The following ECT2 variants were observed in gnomAD, a reference collection of about 807,000 sequenced individuals.
ECT2 encodes epithelial cell transforming 2, also known as protein ECT2.
Under a neutral mutation model 116.9 loss-of-function variants are expected in ECT2, and 61 were observed. The observed-to-expected ratio is 0.52, with a 90% CI of 0.42 to 0.65. The LOEUF (loss-of-function observed/expected upper bound fraction) is 0.65. ECT2 is among the 30% of genes least tolerant of loss of function. The pLI, the probability that ECT2 is intolerant of heterozygous loss-of-function variation, is 0.00. For missense variants in ECT2, 937 were observed against 1,078.7 expected (o/e 0.87, Z 1.84); for synonymous variants, 358 against 346.4 (o/e 1.03, Z -0.37).
chr3:172,761,706 G>GGC, intron 8 of ECT2, 23 bp downstream of exon 8: 1 of 1,485,194 alleles, frequency 6.7e-7, no homozygotes, highest in Non-Finnish European at 9.3e-7. Context: ...AAACTCAGTA[G>GGC]TTCATTATGT....
chr3:172,783,918 T>G lies in ECT2; in HGVS notation c.1728+9T>G. 6.7e-7 allele frequency: 1 copy of G among 1,499,602 alleles called. No individual in the cohort carries two copies. Among genetic ancestry groups the G allele is most frequent in the South Asian group, 1.2e-5 (1 of 81,884 alleles). 92.9% of individuals were successfully genotyped at this position (1,499,602 alleles called of 1,614,324 possible). On this transcript the variant is annotated intron_variant, in intron 16 of 24. Transcript: ENST00000392692. ...TTCATGCTTTTCTCAAGGTAATGTGTGTTTCTTTCAAATAAAAATTTGAGA... is the reference window on the plus strand; with the variant it reads ...TTCATGCTTTTCTCAAGGTAATGTGGGTTTCTTTCAAATAAAAATTTGAGA...
intron 24 of ECT2, among the ~76,000 whole-genome samples, chr3:172,817,867 T>G (rs1730030852): frequency 6.6e-6 from 1 of 152,098 alleles, no homozygotes; most frequent in Admixed American, 6.6e-5. Context: ...GGGTGGTGAT[T>G]AAGAGCATGG....
intron 3 of ECT2, 22 bp from the exon 4 acceptor site, chr3:172,755,461 T>G: frequency 6.7e-7 from 1 of 1,493,588 alleles, no homozygotes. Flanking sequence ...CTTAACCTCA[T>G]ACTTAAGTCT....
intron 13 of ECT2, among the ~76,000 whole-genome samples, chr3:172,770,609 T>C (rs996506774): frequency 2.0e-5 from 3 of 152,142 alleles, no homozygotes; most frequent in Non-Finnish European, 4.4e-5. Flanking sequence ...CAAAGTGTTG[T>C]AATTACAGGC....
At chr3:172,771,054 G>T (rs76214400) in intron 13 of ECT2, among the ~76,000 whole-genome samples, 3,092 of 152,118 alleles carry the variant, frequency 0.02, 106 homozygotes, top group African/African-American at 0.07. Context: ...TTTTTTTCTA[G>T]AAAAATACAG....
chr3:172,793,705 C>G (rs977415543), intron 18 of ECT2, among the ~76,000 whole-genome samples: 1 of 151,864 alleles, frequency 6.6e-6, no homozygotes, highest in African/African-American at 2.4e-5. Context: ...CTCAAGCAAT[C>G]CACCCACATC....
At chr3:172,784,674 C>G (rs1387218372) in intron 16 of ECT2, 33 bp from the exon 17 acceptor site, 2 of 1,544,242 alleles carry the variant, frequency 1.3e-6, no homozygotes, top group African/African-American at 2.7e-5. Flanking sequence ...TTCAGAAAAC[C>G]TTTTTTGAAA....
intron 18 of ECT2, among the ~76,000 whole-genome samples, chr3:172,787,306 G>T (rs115295238): frequency 1.3e-4 from 20 of 152,298 alleles, no homozygotes; most frequent in African/African-American, 4.6e-4. Context: ...TTCCAGAAGG[G>T]CTCTTAAGGA....
intron 14 of ECT2, among the ~76,000 whole-genome samples, chr3:172,774,234 G>T (rs1303853170): frequency 6.6e-6 from 1 of 152,102 alleles, no homozygotes; most frequent in Non-Finnish European, 1.5e-5. Flanking sequence ...GTCTCACTCT[G>T]TCACCCAGGT....
chr3:172,828,077 C>G, the ECT2 span, among the ~76,000 whole-genome samples: 1 of 152,170 alleles, frequency 6.6e-6, no homozygotes, highest in East Asian at 1.9e-4. Flanking sequence ...CAAATAGATA[C>G]CAGCCACAAA....
In ECT2 at chr3:172,757,415, C is replaced by CTTTT. The variant is rs34169147; in HGVS notation, c.486+266_486+269dup. On this transcript the variant is annotated intron_variant, in intron 5 of 24. Coordinates refer to ENST00000392692, the MANE Select transcript of ECT2 (RefSeq NM_001258315.2). ...CATATACACAGACAAATACATAGTC[C>CTTTT]TTTTTTTTTTTTTTTTTTTGAGACG... is the stretch of plus-strand genomic sequence containing the variant. 4.4e-3 allele frequency among the ~76,000 whole-genome samples: 533 copies of CTTTT among 120,404 alleles called. 7 individuals are homozygous for CTTTT. The highest frequency in any genetic ancestry group is 0.015 in the African/African-American group (489 of 32,424). 79.0% of individuals were successfully genotyped at this position (120,404 alleles called of 152,430 possible).
chr3:172,760,087 G>T, intron 6 of ECT2, 69 bp from the exon 7 acceptor site: 1 of 912,566 alleles, frequency 1.1e-6, no homozygotes, highest in South Asian at 1.9e-5. Context: ...GCTAAATGTG[G>T]GGTAAACATA....
At chr3:172,815,828 C>T (rs1373832605) in intron 23 of ECT2, 117 bp downstream of exon 23, 7 of 690,090 alleles carry the variant, frequency 1.0e-5, no homozygotes, top group East Asian at 3.0e-5. Context: ...AGCTGTTCTT[C>T]GGTTCTAGGA....
At chr3:172,774,079 A>G (rs544831340) in intron 14 of ECT2, 57 bp downstream of exon 14, 4 of 1,544,742 alleles carry the variant, frequency 2.6e-6, no homozygotes, top group African/African-American at 1.4e-5. Flanking sequence ...CATATTTATT[A>G]TGATCTTTGA....
intron 4 of ECT2, among the ~76,000 whole-genome samples, chr3:172,756,462 T>C (rs966918110): frequency 3.3e-5 from 5 of 152,202 alleles, no homozygotes; most frequent in Non-Finnish European, 7.4e-5. Flanking sequence ...TTCTCATATA[T>C]CTTACATATC....
chr3:172,797,406 C>T (rs76731047), intron 18 of ECT2, among the ~76,000 whole-genome samples: 4,826 of 152,112 alleles, frequency 0.032, 163 homozygotes, highest in East Asian at 0.16. Flanking sequence ...TTGCTTTTTC[C>T]CCTTTTGAGA....
intron 18 of ECT2, among the ~76,000 whole-genome samples, chr3:172,797,720 G>A (rs561090098): frequency 2.5e-4 from 38 of 152,110 alleles, no homozygotes; most frequent in African/African-American, 8.7e-4. Flanking sequence ...TTTGATAACT[G>A]GCCTAAGAAA....
At chr3:172,767,055 T>C (rs957665300) in intron 12 of ECT2, among the ~76,000 whole-genome samples, 5 of 152,244 alleles carry the variant, frequency 3.3e-5, no homozygotes, top group Non-Finnish European at 1.5e-5. Context: ...CACTGAAGTA[T>C]ATTCTGTAAT....
chr3:172,792,315 C>T (rs1256543038), intron 18 of ECT2, among the ~76,000 whole-genome samples: 1 of 152,122 alleles, frequency 6.6e-6, no homozygotes, highest in African/African-American at 2.4e-5. Context: ...TGCTTACAAA[C>T]GTTCAATCTG....
Sources: allele counts gnomAD v4.1 joint callset (sites outside exome capture counted in the v4.1 genomes callset), GRCh38; gene constraint gnomAD v4.1.1; transcripts MANE v1.5; gene names NCBI Gene and HGNC (gene_info 2026-07-23, HGNC 2026-07-21).